The following SLC7A2 variants were observed in gnomAD, a reference collection of about 807,000 sequenced individuals.
SLC7A2 encodes solute carrier family 7 member 2.
In SLC7A2, 48 loss-of-function variants were observed where a neutral mutation model predicts 58.9. The ratio of observed to expected loss-of-function variants is 0.82; its 90% CI spans 0.65 to 1.04. SLC7A2 has a LOEUF of 1.04. Among genes scored for constraint, SLC7A2 ranks in the 50% least tolerant of loss-of-function variants. The pLI, the probability that SLC7A2 is intolerant of heterozygous loss-of-function variation, is 0.00. For synonymous variants in SLC7A2, 363 were observed against 314.5 expected, an observed-to-expected ratio of 1.15 and a Z score of -1.63; for missense variants, 1,029 against 818.8, an observed-to-expected ratio of 1.26 and a Z score of -3.13.
At position 17,524,421 on chromosome 8, in the gene SLC7A2, TACACACACACAC is replaced by T. The variant is rs367710230; in HGVS notation, c.-22-18872_-22-18861del. Among the ~76,000 whole-genome samples the T allele has an allele frequency of 1.1e-3, 144 of 135,096 alleles. 1 individual carries two copies. Among genetic ancestry groups the T allele is most frequent in the African/African-American group, 3.5e-3 (129 of 36,712 alleles). 88.6% of individuals were successfully genotyped at this position (135,096 alleles called of 152,430 possible). A position where few individuals can be genotyped will look rare whatever the true frequency, so the allele number is the denominator to read the frequency against. On this transcript the variant is annotated intron_variant, in intron 2 of 12. Transcript: ENST00000494857. ...ATATACATATATGTGTGTGTGTGTG[TACACACACACAC>T]ACACACACACACACACACACACACC...
rs1440371236 is a variant in SLC7A2 at position 17,560,680 on chromosome 8, T to C, written c.1504+147T>C. 3 of 647,722 alleles carry C rather than the reference T, an allele frequency of 4.6e-6. No individual in the cohort carries two copies. The African/African-American group carries it at 5.4e-5, about 12-fold the overall frequency. The allele number at this position is 647,722 out of a possible 1,614,324, so 40.1% of individuals were successfully genotyped here. On this transcript the variant is annotated intron_variant, in intron 10 of 12. Coordinates refer to ENST00000494857, the MANE Select transcript of SLC7A2 (RefSeq NM_001370338.1). ...AAATTTTCACCTAAAGCATCACCAGTGGTTGAGATCATCTTTATATTACCT... is the reference window on the plus strand; with the variant it reads ...AAATTTTCACCTAAAGCATCACCAGCGGTTGAGATCATCTTTATATTACCT...
At chr8:17,514,208 A>G (rs548164480) in intron 2 of SLC7A2, among the ~76,000 whole-genome samples, 171 of 152,238 alleles carry the variant, frequency 1.1e-3, no homozygotes, top group Non-Finnish European at 1.8e-3. Context: ...GAAACAGGCT[A>G]GTGCAAAATA....
rs1409364725 is a variant in SLC7A2, at chr8:17,497,224, C to A, written c.-82C>A. The A allele has an allele frequency of 6.6e-6, 1 of 152,034 alleles. No individual in the cohort carries two copies. The highest frequency in any genetic ancestry group is 2.4e-5 in the African/African-American group (1 of 41,418). The allele number at this position is 152,034 out of a possible 1,614,324, so 9.4% of individuals were successfully genotyped here. A position where few individuals can be genotyped will look rare whatever the true frequency, so the allele number is the denominator to read the frequency against. The stretch of plus-strand genomic sequence containing the variant: ...CCACCGCCGCCTTCTTGGCGCGACC[C>A]CAACCCAGCCCCAGTAAGTTGCTAG... On this transcript the variant is annotated 5_prime_UTR_variant, in exon 1 of 13. Coordinates refer to ENST00000494857, the MANE Select transcript of SLC7A2 (RefSeq NM_001370338.1).
chr8:17,514,431 A>G (rs1800721346), intron 2 of SLC7A2, among the ~76,000 whole-genome samples: 1 of 152,218 alleles, frequency 6.6e-6, no homozygotes, highest in Admixed American at 6.5e-5. Context: ...ATACGTGAGA[A>G]TACAATGGCA....
At chr8:17,495,621 C>T (rs1799938254), upstream of SLC7A2, among the ~76,000 whole-genome samples, 1 of 152,204 alleles carries the variant, frequency 6.6e-6, no homozygotes, top group Non-Finnish European at 1.5e-5. Flanking sequence ...ACTATCTCGG[C>T]TCACTGCAAC....
intron 4 of SLC7A2, among the ~76,000 whole-genome samples, chr8:17,545,101 A>G (rs1802100522): frequency 6.6e-6 from 1 of 152,206 alleles, no homozygotes; most frequent in African/African-American, 2.4e-5. Flanking sequence ...ATATAGGCAA[A>G]CATACTTAGT....
chr8:17,523,534 T>C (rs1801100857), intron 2 of SLC7A2, among the ~76,000 whole-genome samples: 1 of 152,038 alleles, frequency 6.6e-6, no homozygotes, highest in African/African-American at 2.4e-5. Flanking sequence ...TTTCAGCAAA[T>C]GGTGATGGGA....
chr8:17,508,687 C>G (rs1557596), intron 2 of SLC7A2, among the ~76,000 whole-genome samples: 102,710 of 151,796 alleles, frequency 0.68, 35,985 homozygotes, highest in Admixed American at 0.77. Context: ...CCACTCCAGC[C>G]TGCGAGACAG....
At chr8:17,561,906 C>A (rs573102921) in intron 10 of SLC7A2, 38 bp from the exon 11 acceptor site, 2 of 1,603,950 alleles carry the variant, frequency 1.2e-6, no homozygotes, top group African/African-American at 2.7e-5. Context: ...GGGTGGAGCA[C>A]AGTGTGCTGA....
intron 9 of SLC7A2, 31 bp downstream of exon 9, chr8:17,558,428 C>A: frequency 4.9e-6 from 7 of 1,423,744 alleles, no homozygotes; most frequent in Non-Finnish European, 6.9e-6. Flanking sequence ...ACAGGGTGTA[C>A]CATGCACGAG....
intron 4 of SLC7A2, among the ~76,000 whole-genome samples, chr8:17,547,702 G>T (rs1478104224): frequency 6.6e-6 from 1 of 151,898 alleles, no homozygotes; most frequent in East Asian, 1.9e-4. Context: ...ATAAATAAGG[G>T]ATGAATTAAA....
At chr8:17,551,097 A>G (rs182914079) in intron 6 of SLC7A2, among the ~76,000 whole-genome samples, 1 of 152,200 alleles carries the variant, frequency 6.6e-6, no homozygotes, top group Non-Finnish European at 1.5e-5. Flanking sequence ...ATCTCTGTAG[A>G]TGAATCATTT....
intron 2 of SLC7A2, among the ~76,000 whole-genome samples, chr8:17,532,252 AAAAAAAACC>A (rs1563454529): frequency 3.0e-5 from 3 of 99,100 alleles, no homozygotes; most frequent in East Asian, 4.3e-4. Flanking sequence ...AAAAAAAAAA[AAAAAAAACC>A]CCAGCAATTC....
chr8:17,503,485 T>C (rs1395200061), intron 2 of SLC7A2, among the ~76,000 whole-genome samples: 1 of 152,246 alleles, frequency 6.6e-6, no homozygotes, highest in Non-Finnish European at 1.5e-5. Context: ...AAAGAGTACT[T>C]ATTATTCATA....
rs1803223762 is a variant in SLC7A2 at position 17,565,408 on chromosome 8, A to G, written c.*262A>G. 4 of 374,786 alleles carry G rather than the reference A, an allele frequency of 1.1e-5. No individual in the cohort carries two copies. In the South Asian group the frequency reaches 2.0e-4, roughly 19 times the overall value. 23.2% of individuals were successfully genotyped at this position (374,786 alleles called of 1,614,324 possible). A position where few individuals can be genotyped will look rare whatever the true frequency, so the allele number is the denominator to read the frequency against. ...TGTGTATGTATGTGTGTATGTATGT[A>G]TCTATGTATATGCTTGGGAACATGA... On this transcript the variant is annotated 3_prime_UTR_variant, in exon 13 of 13. Transcript: ENST00000494857.
At chr8:17,555,730 T>C (rs1802667231) in intron 8 of SLC7A2, among the ~76,000 whole-genome samples, 1 of 152,170 alleles carries the variant, frequency 6.6e-6, no homozygotes. Context: ...GGTACTTAAA[T>C]TATGTTCAGA....
At chr8:17,526,804 T>C (rs1470475513) in intron 2 of SLC7A2, among the ~76,000 whole-genome samples, 1 of 152,212 alleles carries the variant, frequency 6.6e-6, no homozygotes. Context: ...GAACACGTTA[T>C]GCCTAACGAA....
intron 2 of SLC7A2, among the ~76,000 whole-genome samples, chr8:17,504,168 A>G (rs1314900358): frequency 6.6e-6 from 1 of 152,224 alleles, no homozygotes; most frequent in Non-Finnish European, 1.5e-5. Context: ...TTTATTGATC[A>G]TCCTGAAACA....
At chr8:17,516,987 A>C (rs1800829893) in intron 2 of SLC7A2, among the ~76,000 whole-genome samples, 1 of 152,172 alleles carries the variant, frequency 6.6e-6, no homozygotes, top group African/African-American at 2.4e-5. Flanking sequence ...ACTGAAGAGG[A>C]CTTTGAAATA....
Sources: gnomAD v4.1 joint callset for allele counts (sites outside exome capture counted in the v4.1 genomes callset) on GRCh38, gnomAD v4.1.1 for gene constraint, MANE v1.5 for transcripts, NCBI Gene and HGNC (gene_info 2026-07-23, HGNC 2026-07-21) for gene names.